Variants in RAP1GAP2 observed in about 807,000 individuals in gnomAD.
The protein encoded by RAP1GAP2 is rap1 GTPase-activating protein 2.
A neutral mutation model predicts 95.0 loss-of-function variants in RAP1GAP2; 27 were observed. The ratio of observed to expected loss-of-function variants is 0.28; its 90% CI spans 0.21 to 0.39. The LOEUF (loss-of-function observed/expected upper bound fraction) is 0.39, where lower values mean the gene tolerates loss of function less well. RAP1GAP2 is among the 10% of genes least tolerant of loss of function. The probability of loss-of-function intolerance (pLI) is 1.00; values close to 1 mark genes in which losing one functional copy is unlikely to be tolerated. For synonymous variants in RAP1GAP2, 373 were observed against 380.9 expected, an observed-to-expected ratio of 0.98 and a Z score of 0.24; for missense variants, 771 against 970.0, an observed-to-expected ratio of 0.79 and a Z score of 2.72.
rs939176257 is a variant in RAP1GAP2, at chr17:3,003,847, A to T, written c.1201-1522A>T. ...GGGTCAAGAGAGGCGCACAATGAGG[A>T]TGGAAGGTGAACGCACGTCGCAAGG... On this transcript the variant is annotated intron_variant, in intron 14 of 24. Coordinates refer to ENST00000254695, the MANE Select transcript of RAP1GAP2 (RefSeq NM_015085.5). The surrounding 1 kb of genome is among the most constrained non-coding windows in gnomAD (Gnocchi z 4.1). 6.6e-6 allele frequency among the ~76,000 whole-genome samples: 1 copy of T among 152,124 alleles called. No homozygotes were observed. Among genetic ancestry groups the T allele is most frequent in the Non-Finnish European group, 1.5e-5 (1 of 68,014 alleles).
At chr17:2,941,485 G>A (rs1291273248) in intron 3 of RAP1GAP2, among the ~76,000 whole-genome samples, 1 of 152,056 alleles carries the variant, frequency 6.6e-6, no homozygotes, top group Non-Finnish European at 1.5e-5. Flanking sequence ...GTGGGGAACT[G>A]ATTTGAGAGG....
At chr17:3,002,656 G>T (rs928679155) in intron 14 of RAP1GAP2, among the ~76,000 whole-genome samples, 2 of 152,182 alleles carry the variant, frequency 1.3e-5, no homozygotes, top group African/African-American at 4.8e-5. Context: ...TGGGGAGGGT[G>T]AGCTGAAGAA....
upstream of RAP1GAP2, among the ~76,000 whole-genome samples, chr17:2,791,456 T>C (rs890050270): frequency 5.3e-5 from 8 of 152,208 alleles, no homozygotes; most frequent in African/African-American, 1.4e-4. Context: ...AGTGATGAGC[T>C]GAGTTTTGCT....
At chr17:2,910,453 C>T (rs1359367998) in intron 3 of RAP1GAP2, among the ~76,000 whole-genome samples, 2 of 152,128 alleles carry the variant, frequency 1.3e-5, no homozygotes, top group East Asian at 3.9e-4. Flanking sequence ...GGCCTCTCTC[C>T]GAGGGTCCCT....
rs1159743611 is a variant in RAP1GAP2 at position 2,903,797 on chromosome 17, A to G, written c.81-1487A>G. ...ACTGCAGGGGCAGGCAGGGGTACAC[A>G]TGACCCAGGCCTAGCCTGGAAGTGT... On this transcript the variant is annotated intron_variant, in intron 2 of 24. Transcript: ENST00000254695. This position sits in a 1 kb window ranked among gnomAD's most constrained non-coding sequence, Gnocchi z 4.1. 6.6e-6 allele frequency among the ~76,000 whole-genome samples: 1 copy of G among 152,118 alleles called. No homozygotes were observed. The highest frequency in any genetic ancestry group is 6.5e-5 in the Admixed American group (1 of 15,272).
Position 2,797,432 on chromosome 17 carries a change from C to T in RAP1GAP2, c.44+861C>T, listed in dbSNP as rs188331895. On this transcript the variant is annotated intron_variant, in intron 1 of 24. Coordinates refer to ENST00000254695, the MANE Select transcript of RAP1GAP2 (RefSeq NM_015085.5). This position sits in a 1 kb window ranked among gnomAD's most constrained non-coding sequence, Gnocchi z 5.6. ...AACAGAGTCTGGTGGTTTTCATGAT[C>T]GGTTTCCTTTCAGTGCCTGGGCTGG... Among the ~76,000 whole-genome samples the T allele has an allele frequency of 3.9e-5, 6 of 151,992 alleles. No homozygotes were observed. Among genetic ancestry groups the T allele is most frequent in the African/African-American group, 1.2e-4 (5 of 41,340 alleles).
At chr17:2,813,440 G>C (rs1352596117) in intron 2 of RAP1GAP2, among the ~76,000 whole-genome samples, 3 of 152,150 alleles carry the variant, frequency 2.0e-5, no homozygotes, top group South Asian at 2.1e-4. Flanking sequence ...TTCCCCAAGG[G>C]ATACACAAGT....
At chr17:2,986,440 A>T (rs1447058856) in intron 11 of RAP1GAP2, among the ~76,000 whole-genome samples, 4 of 152,182 alleles carry the variant, frequency 2.6e-5, no homozygotes, top group African/African-American at 9.7e-5. Flanking sequence ...ATGTTCCAGC[A>T]AAGTTATAAT....
chr17:2,771,719 A>G (rs2068402511), intron 2 of RAP1GAP2, among the ~76,000 whole-genome samples: 2 of 151,830 alleles, frequency 1.3e-5, no homozygotes, highest in Admixed American at 6.6e-5. Context: ...TGAATTCCTG[A>G]TCTCAGGTGA....
chr17:2,818,293 CTTTATTTATTTATTTATTTATTTATTTA>C (rs149867844), intron 2 of RAP1GAP2, among the ~76,000 whole-genome samples: 4 of 136,250 alleles, frequency 2.9e-5, no homozygotes, highest in Non-Finnish European at 4.7e-5. Context: ...TCTCAGCCCA[CTTTATTTATTTATTTATTTATTTATTTA>C]TTTATTTATT....
At position 2,927,416 on chromosome 17, in the gene RAP1GAP2, G is replaced by A. The variant is rs143651946; in HGVS notation, c.165+22048G>A. Among the ~76,000 whole-genome samples, 2,037 of 151,874 alleles carry A rather than the reference G, an allele frequency of 0.013. 80 individuals are homozygous for A. In the East Asian group the frequency reaches 0.13, roughly 10 times the overall value. On this transcript the variant is annotated intron_variant, in intron 3 of 24. Coordinates refer to ENST00000254695, the MANE Select transcript of RAP1GAP2 (RefSeq NM_015085.5). ...GATCCGCCCGCCTTGGCCTCCCAAA[G>A]TGCTGGGATTACAGGCGTGAGCCAC...
intron 13 of RAP1GAP2, among the ~76,000 whole-genome samples, chr17:2,997,584 A>G (rs754512660): frequency 4.6e-5 from 7 of 151,618 alleles, no homozygotes; most frequent in Admixed American, 1.3e-4. Context: ...GCTAGCCTCT[A>G]CCTAACGACT....
intron 3 of RAP1GAP2, among the ~76,000 whole-genome samples, chr17:2,943,059 A>G (rs563041989): frequency 1.2e-4 from 18 of 152,226 alleles, no homozygotes; most frequent in African/African-American, 1.7e-4. Context: ...GTGAACCACC[A>G]CACCTGACCT....
At chr17:3,032,311 A>T in intron 23 of RAP1GAP2, 100 bp from the exon 24 acceptor site, 1 of 1,372,232 alleles carries the variant, frequency 7.3e-7, no homozygotes, top group South Asian at 1.2e-5. Flanking sequence ...TCCCTTCCTG[A>T]GCTCACCAGA....
chr17:2,919,280 C>T (rs2052144737), intron 3 of RAP1GAP2, among the ~76,000 whole-genome samples: 1 of 152,194 alleles, frequency 6.6e-6, no homozygotes, highest in South Asian at 2.1e-4. Context: ...TGTGCTTTCA[C>T]CTCTTGCCTT....
chr17:2,790,440 A>T (rs879479202), intron 1 of RAP1GAP2, among the ~76,000 whole-genome samples: 2 of 152,062 alleles, frequency 1.3e-5, no homozygotes, highest in Non-Finnish European at 2.9e-5. Context: ...CTTTATCTTC[A>T]TATGGTTTAT....
intron 2 of RAP1GAP2, among the ~76,000 whole-genome samples, chr17:2,771,893 T>C (rs2068405902): frequency 6.6e-6 from 1 of 152,326 alleles, no homozygotes; most frequent in Middle Eastern, 3.4e-3. Flanking sequence ...ATTTTTGTGA[T>C]AGAATATTAA....
intron 1 of RAP1GAP2, among the ~76,000 whole-genome samples, chr17:2,799,660 G>A (rs922153076): frequency 2.0e-5 from 3 of 152,184 alleles, no homozygotes; most frequent in African/African-American, 7.2e-5. Flanking sequence ...CACGAATCGT[G>A]ATGTTGCAAA....
intron 2 of RAP1GAP2, among the ~76,000 whole-genome samples, chr17:2,900,670 G>C (rs2041999027): frequency 6.6e-6 from 1 of 152,138 alleles, no homozygotes; most frequent in South Asian, 2.1e-4. Context: ...TCGAACTCCT[G>C]ACCTCAGGTG....
Sources: gnomAD v4.1 joint callset for allele counts (sites outside exome capture counted in the v4.1 genomes callset) on GRCh38, gnomAD v4.1.1 for gene constraint, Gnocchi (gnomAD v3.1) non-coding constraint, MANE v1.5 for transcripts, NCBI Gene and HGNC (gene_info 2026-07-23, HGNC 2026-07-21) for gene names.